Variants in MET observed in about 807,000 individuals in gnomAD.
MET encodes the protein MET proto-oncogene, receptor tyrosine kinase, also known as hepatocyte growth factor receptor.
A neutral mutation model predicts 133.1 loss-of-function variants in MET; 48 were observed. That is an observed-to-expected ratio of 0.36 (90% CI 0.29 to 0.46). The LOEUF is 0.46. Among genes scored for constraint, MET ranks in the 20% least tolerant of loss-of-function variants. MET has a pLI of 1.00. For synonymous variants in MET, 628 were observed against 616.5 expected, an observed-to-expected ratio of 1.02 and a Z score of -0.28; for missense variants, 1,442 against 1,695.9, an observed-to-expected ratio of 0.85 and a Z score of 2.63.
intron 6 of MET, among the ~76,000 whole-genome samples, chr7:116,755,719 G>C (rs1794152844): frequency 6.6e-6 from 1 of 152,132 alleles, no homozygotes; most frequent in South Asian, 2.1e-4. Flanking sequence ...AGGTGACATG[G>C]CCTAGGTGAA....
chr7:116,777,170 A>C (rs1047448835), intron 15 of MET, among the ~76,000 whole-genome samples: 1 of 152,216 alleles, frequency 6.6e-6, no homozygotes, highest in Non-Finnish European at 1.5e-5. Context: ...TTAAATAATC[A>C]CATTGCTTAT....
At chr7:116,713,178 G>A (rs1027953962) in intron 2 of MET, among the ~76,000 whole-genome samples, 13 of 152,090 alleles carry the variant, frequency 8.5e-5, no homozygotes, top group East Asian at 3.9e-4. Flanking sequence ...GGCGGATCAC[G>A]AGGTCAGGAG....
chr7:116,769,526 G>A (rs1794759996), intron 11 of MET, 119 bp from the exon 12 acceptor site: 5 of 1,248,240 alleles, frequency 4.0e-6, no homozygotes, highest in Non-Finnish European at 5.7e-6. Context: ...TCATAGAATC[G>A]TGTGCCTTGG....
At chr7:116,718,655 A>G (rs1271382339) in intron 2 of MET, among the ~76,000 whole-genome samples, 1 of 81,640 alleles carries the variant, frequency 1.2e-5, no homozygotes, top group Non-Finnish European at 2.3e-5. Flanking sequence ...CCCCCACCCC[A>G]CCACAGTCCC....
intron 2 of MET, among the ~76,000 whole-genome samples, chr7:116,700,584 A>G (rs1308826106): frequency 6.6e-6 from 1 of 152,184 alleles, no homozygotes; most frequent in East Asian, 1.9e-4. Context: ...ATTTACACAG[A>G]TTTTATCAGA....
chr7:116,719,910 A>G (rs1217682541), intron 2 of MET, among the ~76,000 whole-genome samples: 2 of 152,172 alleles, frequency 1.3e-5, no homozygotes, highest in East Asian at 1.9e-4. Flanking sequence ...GTATAGTTTG[A>G]AGTCAGGTAG....
chr7:116,764,823 C>T (rs534496555), intron 11 of MET, among the ~76,000 whole-genome samples: 23 of 152,068 alleles, frequency 1.5e-4, no homozygotes, highest in Admixed American at 3.3e-4. Flanking sequence ...GCACCTGCCA[C>T]GTGACAGAAT....
rs544313635 is a variant in MET, at chr7:116,708,983, T to C, written c.1200+8699T>C. 3.9e-5 allele frequency among the ~76,000 whole-genome samples: 6 copies of C among 152,314 alleles called. No homozygotes were observed. The East Asian group carries it at 1.2e-3, about 29-fold the overall frequency. ...TGAAGTGATCCCAAGTCACATTGTC[T>C]TTCTGCCTCTGTGCACTGTACTCTG... On this transcript the variant is annotated intron_variant, in intron 2 of 20. Coordinates refer to ENST00000397752, the MANE Select transcript of MET (RefSeq NM_000245.4).
At chr7:116,697,162 C>T (rs1287623350) in intron 1 of MET, among the ~76,000 whole-genome samples, 1 of 152,176 alleles carries the variant, frequency 6.6e-6, no homozygotes, top group Non-Finnish European at 1.5e-5. Flanking sequence ...AGTTTTATAA[C>T]TTGTTCTACT....
rs45572835 is a variant in MET at position 116,769,776 on chromosome 7, C to A, written c.2715C>A (p.Ser905Arg). The change falls in exon 12 of 21, where the codon AGC (serine) becomes AGA (arginine). Residue 905 changes from serine to arginine, a missense_variant. By Grantham distance (110) the Ser-to-Arg change is moderately radical. Coordinates refer to ENST00000397752, the MANE Select transcript of MET (RefSeq NM_000245.4). The part of the protein sequence containing the change: ...TVPNDLLKLN[S>R]ELNIEWKQAI... ...CCAATGACCTGCTGAAATTGAACAG[C>A]GAGCTAAATATAGAGGTGGGATTCC... 2 of 1,613,736 alleles carry A rather than the reference C, an allele frequency of 1.2e-6. No individual in the cohort carries two copies. Among genetic ancestry groups the A allele is most frequent in the Non-Finnish European group, 1.7e-6 (2 of 1,179,792 alleles).
At chr7:116,754,893 G>GAGAAGAAAGAA (rs1794071136) in intron 5 of MET, among the ~76,000 whole-genome samples, 1 of 97,446 alleles carries the variant, frequency 1.0e-5, no homozygotes, top group African/African-American at 3.8e-5. Flanking sequence ...GAGAGAAAGA[G>GAGAAGAAAGAA]AGAAAGAAAG....
At position 116,798,077 on chromosome 7, in the gene MET, A is replaced by G. The variant is rs1795731701; in HGVS notation, c.*1953A>G. 3 of 221,806 alleles carry G rather than the reference A, an allele frequency of 1.4e-5. No individual in the cohort carries two copies. Among genetic ancestry groups the G allele is most frequent in the Non-Finnish European group, 1.8e-5 (2 of 110,652 alleles). 13.7% of individuals were successfully genotyped at this position (221,806 alleles called of 1,614,324 possible). On this transcript the variant is annotated 3_prime_UTR_variant, in exon 21 of 21. Transcript: ENST00000397752. The stretch of plus-strand genomic sequence containing the variant: ...AAAAGAAAATCTGCTCTGTGGAAAG[A>G]AAGAACTGTCTCTACCAGGGTCAAG...
intron 2 of MET, among the ~76,000 whole-genome samples, chr7:116,710,781 C>T (rs561186414): frequency 1.3e-5 from 2 of 151,864 alleles, no homozygotes; most frequent in African/African-American, 4.8e-5. Context: ...TATCTTATAA[C>T]CCTGGTGATA....
chr7:116,739,000 A>G (rs919826117), intron 3 of MET, among the ~76,000 whole-genome samples: 2 of 152,216 alleles, frequency 1.3e-5, no homozygotes, highest in African/African-American at 4.8e-5. Context: ...ATGTTGGGCA[A>G]TTTCACAAAG....
At chr7:116,673,599 C>T (rs1796050208) in intron 1 of MET, among the ~76,000 whole-genome samples, 1 of 152,210 alleles carries the variant, frequency 6.6e-6, no homozygotes, top group Non-Finnish European at 1.5e-5. Context: ...CAGCCAGACA[C>T]ATGCACATTG....
In MET at chr7:116,764,133, C is replaced by A. The variant is rs1305088304; in HGVS notation, c.2583+865C>A. Among the ~76,000 whole-genome samples, 4 of 151,964 alleles carry A rather than the reference C, an allele frequency of 2.6e-5. No homozygotes were observed. The South Asian group carries it at 6.2e-4, about 24-fold the overall frequency. On this transcript the variant is annotated intron_variant, in intron 11 of 20. Transcript: ENST00000397752. ...ATAGGCTTTCATGGGTCATCTCCATCTAAGTAATAATATGTTTCCATTGAA... is the reference window on the plus strand; with the variant it reads ...ATAGGCTTTCATGGGTCATCTCCATATAAGTAATAATATGTTTCCATTGAA...
chr7:116,691,448 G>A (rs1419084654), intron 1 of MET, among the ~76,000 whole-genome samples: 1 of 152,130 alleles, frequency 6.6e-6, no homozygotes, highest in African/African-American at 2.4e-5. Flanking sequence ...CAAGTTTGTA[G>A]TATTGTCTAC....
chr7:116,768,271 A>G (rs1584951833), intron 11 of MET, among the ~76,000 whole-genome samples: 1 of 152,190 alleles, frequency 6.6e-6, no homozygotes, highest in African/African-American at 2.4e-5. Context: ...GACACATTTT[A>G]GACCTTTTCT....
rs1342574948 is a variant in MET at position 116,699,680 on chromosome 7, A to G, written c.596A>G (p.Asn199Ser). The G allele has an allele frequency of 6.2e-7, 1 of 1,614,052 alleles. No homozygotes were observed. The highest frequency in any genetic ancestry group is 1.7e-5 in the Admixed American group (1 of 60,006). ...KDRFINFFVGNTINSSYFPDH... is the reference protein window; with the variant it reads ...KDRFINFFVGSTINSSYFPDH... ...CGGTTCATCAACTTCTTTGTAGGCA[A>G]TACCATAAATTCTTCTTATTTCCCA... is the stretch of plus-strand genomic sequence containing the variant. Residue 199 changes from asparagine to serine, a missense_variant, in exon 2 of 21, where the codon AAT becomes AGT. Physicochemically the swap from Asn to Ser is conservative, Grantham distance 46 (BLOSUM62 1). Around this residue, in one of 6 missense-constraint regions of MET, gnomAD observed 762 missense variants for 792.4 expected, o/e 0.96. Coordinates refer to ENST00000397752, the MANE Select transcript of MET (RefSeq NM_000245.4).
Sources: allele counts gnomAD v4.1 joint callset (sites outside exome capture counted in the v4.1 genomes callset), GRCh38; gene constraint gnomAD v4.1.1; regional missense constraint gnomAD v4.1.1; transcripts MANE v1.5; gene names NCBI Gene and HGNC (gene_info 2026-07-23, HGNC 2026-07-21).